The following DNAJC13 variants were observed in gnomAD, a reference collection of about 807,000 sequenced individuals.
DNAJC13 encodes the protein DnaJ heat shock protein family (Hsp40) member C13.
Under a neutral mutation model 290.5 loss-of-function variants are expected in DNAJC13, and 75 were observed. The ratio of observed to expected loss-of-function variants is 0.26; its 90% CI spans 0.21 to 0.31. DNAJC13 has a LOEUF of 0.31. Ranked by LOEUF, DNAJC13 falls within the 10% of genes least tolerant of loss-of-function variation. The probability of loss-of-function intolerance (pLI) is 1.00; values close to 1 mark genes in which losing one functional copy is unlikely to be tolerated. For synonymous variants in DNAJC13, 862 were observed against 892.0 expected (o/e 0.97, Z 0.60); for missense variants, 2,260 against 2,674.5 (o/e 0.85, Z 3.42).
At chr3:132,488,926 A>G (rs1355521050) in intron 30 of DNAJC13, 50 bp from the exon 31 acceptor site, 5 of 1,465,506 alleles carry the variant, frequency 3.4e-6, no homozygotes, top group Admixed American at 3.5e-5. Flanking sequence ...TAAGGTTACA[A>G]AAACTAAATC....
At chr3:132,436,894 TTTTC>T (rs1376614341) in intron 2 of DNAJC13, among the ~76,000 whole-genome samples, 1 of 150,988 alleles carries the variant, frequency 6.6e-6, no homozygotes, top group African/African-American at 2.5e-5. Flanking sequence ...TTTTTTTTTT[TTTTC>T]TTTTTGAGAC....
intron 52 of DNAJC13, 130 bp downstream of exon 52, chr3:132,525,919 G>A: frequency 8.2e-7 from 1 of 1,225,304 alleles, no homozygotes; most frequent in Admixed American, 2.7e-5. Flanking sequence ...GAACCACATG[G>A]TATTTTATTA....
intron 54 of DNAJC13, among the ~76,000 whole-genome samples, chr3:132,530,019 A>T (rs1180284760): frequency 6.6e-6 from 1 of 151,940 alleles, no homozygotes; most frequent in Non-Finnish European, 1.5e-5. Context: ...TTAGCAAAGT[A>T]ATCCTGACAC....
chr3:132,436,802 G>A (rs1939396467), intron 2 of DNAJC13, among the ~76,000 whole-genome samples: 1 of 151,676 alleles, frequency 6.6e-6, no homozygotes, highest in Non-Finnish European at 1.5e-5. Context: ...TGTGTTTGTA[G>A]GTCATTTGTG....
At chr3:132,450,023 A>G (rs1559873732) in intron 5 of DNAJC13, among the ~76,000 whole-genome samples, 1 of 152,128 alleles carries the variant, frequency 6.6e-6, no homozygotes, top group Non-Finnish European at 1.5e-5. Flanking sequence ...AATTTCTGAC[A>G]CTCAGCTACT....
In DNAJC13 at chr3:132,427,133, A is replaced by ATATAT. The variant is rs1310339480; in HGVS notation, c.-13-7404_-13-7403insATATT. On this transcript the variant is annotated intron_variant, in intron 1 of 55. Coordinates refer to ENST00000260818, the MANE Select transcript of DNAJC13 (RefSeq NM_015268.4). ...TGTGTGTGTGTGTATATATATATAT[A>ATATAT]TTTTTTTTTTTTTTTTGAGACAGGG... Among the ~76,000 whole-genome samples the ATATAT allele has an allele frequency of 5.9e-3, 717 of 122,186 alleles. 17 individuals carry two copies. The highest frequency in any genetic ancestry group is 0.022 in the African/African-American group (663 of 30,718). The allele number at this position is 122,186 out of a possible 152,430, so 80.2% of individuals were successfully genotyped here. A position where few individuals can be genotyped will look rare whatever the true frequency, so the allele number is the denominator to read the frequency against.
At chr3:132,487,555 T>C (rs1252538562) in intron 29 of DNAJC13, among the ~76,000 whole-genome samples, 1 of 136,898 alleles carries the variant, frequency 7.3e-6, no homozygotes, top group African/African-American at 2.8e-5. Context: ...CATGCCTGGC[T>C]GTAATTTTTT....
chr3:132,501,187 G>T (rs1183385658), intron 39 of DNAJC13, among the ~76,000 whole-genome samples: 1 of 152,092 alleles, frequency 6.6e-6, no homozygotes, highest in Non-Finnish European at 1.5e-5. Flanking sequence ...AGAGAAGCCT[G>T]TAATAAATAA....
chr3:132,513,349 T>A (rs1458483681), intron 45 of DNAJC13, among the ~76,000 whole-genome samples: 1 of 152,158 alleles, frequency 6.6e-6, no homozygotes, highest in African/African-American at 2.4e-5. Context: ...GATAGTGTTG[T>A]ACAGTGTCAG....
At chr3:132,484,111 CTG>C (rs962875861) in intron 28 of DNAJC13, among the ~76,000 whole-genome samples, 39 of 152,268 alleles carry the variant, frequency 2.6e-4, no homozygotes, top group Admixed American at 8.5e-4. Context: ...TACTGAGAAA[CTG>C]TAACATTTTA....
At chr3:132,537,295 C>T (rs1057329707) in intron 55 of DNAJC13, 10 of 452,016 alleles carry the variant, frequency 2.2e-5, no homozygotes, top group Admixed American at 9.4e-5. Context: ...AAATGCATGC[C>T]GCTCCCACTG....
rs753412069 is a variant in DNAJC13 at position 132,456,828 on chromosome 3, C to G, written c.1345C>G (p.Pro449Ala). The change falls in exon 12 of 56, where the codon CCA becomes GCA. Residue 449 changes from proline to alanine, a missense_variant. By Grantham distance (27) the Pro-to-Ala change is conservative. Around this residue, in one of 3 missense-constraint regions of DNAJC13, gnomAD observed 762 missense variants for 964.1 expected, o/e 0.79. Coordinates refer to ENST00000260818, the MANE Select transcript of DNAJC13 (RefSeq NM_015268.4). ...TGGTTTCCTGGCTTTCACTCAGCTT[C>G]CAAAGTAAGTTGTCTTCTGAAACTT... ...KAGFLAFTQLPKFRERLGVKV... is the reference protein window; with the variant it reads ...KAGFLAFTQLAKFRERLGVKV... 7 of 1,611,346 alleles carry G rather than the reference C, an allele frequency of 4.3e-6. No individual in the cohort carries two copies. The highest frequency in any genetic ancestry group is 5.1e-6 in the Non-Finnish European group (6 of 1,179,024).
intron 36 of DNAJC13, 129 bp downstream of exon 36, chr3:132,496,792 A>G (rs1935246140): frequency 3.2e-6 from 3 of 923,260 alleles, no homozygotes; most frequent in Non-Finnish European, 4.4e-6. Context: ...GATTCTTGGA[A>G]TTATGTTTTA....
chr3:132,423,981 G>T (rs1383181285), intron 1 of DNAJC13, among the ~76,000 whole-genome samples: 1 of 152,128 alleles, frequency 6.6e-6, no homozygotes, highest in Non-Finnish European at 1.5e-5. Flanking sequence ...AAGCTGATAA[G>T]CTTAATAAGT....
At chr3:132,454,006 T>A in intron 8 of DNAJC13, 60 bp from the exon 9 acceptor site, 1 of 1,267,058 alleles carries the variant, frequency 7.9e-7, no homozygotes, top group Non-Finnish European at 1.1e-6. Flanking sequence ...CATTTTATAA[T>A]GAAATACTAT....
intron 20 of DNAJC13, among the ~76,000 whole-genome samples, chr3:132,469,726 G>T (rs1934120653): frequency 6.6e-6 from 1 of 151,960 alleles, no homozygotes; most frequent in African/African-American, 2.4e-5. Context: ...ATTAAAATTT[G>T]TAGGAAACAT....
intron 25 of DNAJC13, among the ~76,000 whole-genome samples, chr3:132,479,889 A>C (rs1172954669): frequency 6.6e-6 from 1 of 152,156 alleles, no homozygotes; most frequent in Non-Finnish European, 1.5e-5. Context: ...AAGTAATGCA[A>C]ATGTTTTAAA....
chr3:132,486,204 T>C (rs1270929526), intron 29 of DNAJC13, among the ~76,000 whole-genome samples: 5 of 148,736 alleles, frequency 3.4e-5, no homozygotes, highest in Admixed American at 1.4e-4. Context: ...GAAAAAGCAC[T>C]GCAATTATTG....
intron 32 of DNAJC13, among the ~76,000 whole-genome samples, chr3:132,491,537 G>T (rs1035189880): frequency 3.3e-5 from 5 of 151,992 alleles, no homozygotes; most frequent in African/African-American, 4.8e-5. Flanking sequence ...TAATCTGGAG[G>T]TTAGCATTCC....
Sources: allele counts gnomAD v4.1 joint callset (sites outside exome capture counted in the v4.1 genomes callset), GRCh38; gene constraint gnomAD v4.1.1; regional missense constraint gnomAD v4.1.1; transcripts MANE v1.5; gene names NCBI Gene and HGNC (gene_info 2026-07-23, HGNC 2026-07-21).